Variants in CTNNA2 observed in about 807,000 individuals in gnomAD.
CTNNA2 encodes the protein catenin alpha-2.
In CTNNA2, 42 loss-of-function variants were observed where a neutral mutation model predicts 101.0. The observed-to-expected ratio is 0.42, with a 90% CI of 0.32 to 0.54. The LOEUF (loss-of-function observed/expected upper bound fraction) is 0.54. CTNNA2 is among the 20% of genes least tolerant of loss of function. CTNNA2 has a pLI of 0.14. For synonymous variants in CTNNA2, 450 were observed against 456.4 expected (o/e 0.99, Z 0.18); for missense variants, 871 against 1,223.1 (o/e 0.71, Z 4.29).
chr2:79,358,635 G>A (rs1392794603), intron 3 of CTNNA2, among the ~76,000 whole-genome samples: 2 of 152,220 alleles, frequency 1.3e-5, no homozygotes. Context: ...AAGCAGCTAA[G>A]CAGAGGCTTT....
intron 6 of CTNNA2, among the ~76,000 whole-genome samples, chr2:79,879,392 C>G (rs1468447807): frequency 6.6e-6 from 1 of 151,920 alleles, no homozygotes; most frequent in Non-Finnish European, 1.5e-5. Context: ...AGCATTTATT[C>G]TATAAATTAC....
intron 7 of CTNNA2, among the ~76,000 whole-genome samples, chr2:80,380,064 TCTCA>T (rs1336160439): frequency 1.5e-5 from 2 of 131,988 alleles, no homozygotes; most frequent in South Asian, 2.4e-4. Context: ...TGAGACGGAG[TCTCA>T]CTCTGTCGCC....
chr2:79,327,726 A>G (rs78197554), intron 3 of CTNNA2, among the ~76,000 whole-genome samples: 10,529 of 152,094 alleles, frequency 0.069, 393 homozygotes, highest in Middle Eastern at 0.15. Context: ...TCTCCTCCTC[A>G]CTAGTCTGTA....
At chr2:80,501,683 A>G (rs1687893711) in intron 9 of CTNNA2, among the ~76,000 whole-genome samples, 1 of 152,030 alleles carries the variant, frequency 6.6e-6, no homozygotes, top group Non-Finnish European at 1.5e-5. Context: ...TTCAGGAGGA[A>G]CCCCTAAGGG....
chr2:79,344,868 A>G (rs984253721), intron 3 of CTNNA2, among the ~76,000 whole-genome samples: 1 of 144,918 alleles, frequency 6.9e-6, no homozygotes, highest in African/African-American at 2.5e-5. Context: ...AATATATTAT[A>G]TTTATATATA....
chr2:79,951,198 A>G (rs17018300), intron 7 of CTNNA2, among the ~76,000 whole-genome samples: 2,491 of 152,326 alleles, frequency 0.016, 77 homozygotes, highest in African/African-American at 0.057. Context: ...TCCTGCAATA[A>G]TAGTTCTTAA....
intron 2 of CTNNA2, among the ~76,000 whole-genome samples, chr2:79,211,432 G>C (rs1040758583): frequency 4.6e-5 from 7 of 152,312 alleles, no homozygotes; most frequent in African/African-American, 1.7e-4. Context: ...GGCGGGCTGA[G>C]TCTGAAAAGA....
rs906473440 is a variant in CTNNA2 at position 80,589,552 on chromosome 2, G to A, written c.2189+67G>A. ...CCCAGAAGTGTAGCAGTGTGTATTA[G>A]CATGTGAAAGCCTGCTGAAAAATTA... On this transcript the variant is annotated intron_variant, in intron 15 of 18. Coordinates refer to ENST00000402739, the MANE Select transcript of CTNNA2 (RefSeq NM_001282597.3). 8 of 1,449,136 alleles carry A rather than the reference G, an allele frequency of 5.5e-6. No homozygotes were observed. The African/African-American group carries it at 1.1e-4, about 21-fold the overall frequency. 89.8% of individuals were successfully genotyped at this position (1,449,136 alleles called of 1,614,324 possible).
chr2:79,364,749 T>C (rs749891511), intron 3 of CTNNA2, among the ~76,000 whole-genome samples: 3 of 152,326 alleles, frequency 2.0e-5, no homozygotes, highest in African/African-American at 7.2e-5. Flanking sequence ...TGTACTTTTA[T>C]GTCAAAAGTA....
chr2:79,242,993 T>TATATAC (rs1306982182), intron 2 of CTNNA2, among the ~76,000 whole-genome samples: 2,822 of 116,456 alleles, frequency 0.024, 46 homozygotes, highest in Middle Eastern at 0.038. Flanking sequence ...TATATATATA[T>TATATAC]ACACACACAC....
intron 2 of CTNNA2, among the ~76,000 whole-genome samples, chr2:79,250,298 T>C (rs1229259278): frequency 1.3e-5 from 2 of 152,130 alleles, no homozygotes; most frequent in Non-Finnish European, 2.9e-5. Context: ...AGCCTTTTCC[T>C]AAGATCTGTC....
At chr2:79,689,951 A>G (rs1383131059) in intron 2 of CTNNA2, among the ~76,000 whole-genome samples, 1 of 152,014 alleles carries the variant, frequency 6.6e-6, no homozygotes, top group Non-Finnish European at 1.5e-5. Context: ...CAGAAAAAAT[A>G]TAAGACATAA....
chr2:80,175,882 G>T (rs779204022), intron 7 of CTNNA2, among the ~76,000 whole-genome samples: 8 of 152,166 alleles, frequency 5.3e-5, no homozygotes, highest in Non-Finnish European at 1.0e-4. Flanking sequence ...AATGTTCGAG[G>T]GCAGGAAGCA....
chr2:80,356,383 A>G (rs1205211618), intron 7 of CTNNA2, among the ~76,000 whole-genome samples: 1 of 152,196 alleles, frequency 6.6e-6, no homozygotes, highest in African/African-American at 2.4e-5. Context: ...TGCTGATTCC[A>G]ACTGCGAATC....
intron 3 of CTNNA2, among the ~76,000 whole-genome samples, chr2:79,326,412 C>T (rs1266258079): frequency 1.3e-5 from 2 of 151,786 alleles, no homozygotes; most frequent in South Asian, 2.1e-4. Flanking sequence ...ACTGTTTGGG[C>T]TTATTTTAAA....
intron 18 of CTNNA2, among the ~76,000 whole-genome samples, chr2:80,638,128 T>C (rs181648812): frequency 1.1e-4 from 17 of 152,216 alleles, no homozygotes; most frequent in East Asian, 3.9e-4. Context: ...GGATCAAAGG[T>C]AGTGATGCTC....
At chr2:79,482,336 G>T (rs1298213657) in intron 4 of CTNNA2, among the ~76,000 whole-genome samples, 1 of 152,172 alleles carries the variant, frequency 6.6e-6, no homozygotes, top group Admixed American at 6.5e-5. Flanking sequence ...CATGCACACA[G>T]GGATGAAGGG....
chr2:80,208,254 T>C (rs1003842357), intron 7 of CTNNA2, among the ~76,000 whole-genome samples: 34 of 152,154 alleles, frequency 2.2e-4, no homozygotes, highest in African/African-American at 7.2e-4. Context: ...CGTTCATTTG[T>C]TTGTTTGTTT....
At chr2:79,655,828 CAAAA>C (rs34282777) in intron 2 of CTNNA2, among the ~76,000 whole-genome samples, 2 of 136,240 alleles carry the variant, frequency 1.5e-5, no homozygotes, top group African/African-American at 5.2e-5. Context: ...GACTCCATCT[CAAAA>C]AAAAAAAAAA....
Sources: gnomAD v4.1 joint callset for allele counts (sites outside exome capture counted in the v4.1 genomes callset) on GRCh38, gnomAD v4.1.1 for gene constraint, MANE v1.5 for transcripts, NCBI Gene and HGNC (gene_info 2026-07-23, HGNC 2026-07-21) for gene names.